Variants in LTBP4 observed in about 807,000 individuals in gnomAD.
LTBP4 encodes latent transforming growth factor beta binding protein 4.
LTBP4 carries 93 observed loss-of-function variants against 180.2 expected under a neutral mutation model. The observed-to-expected ratio is 0.52, with a 90% confidence interval of 0.44 to 0.61. The LOEUF (loss-of-function observed/expected upper bound fraction) is 0.61. Among genes scored for constraint, LTBP4 ranks in the 20% least tolerant of loss-of-function variants. The pLI is 0.00. For synonymous variants in LTBP4, 947 were observed against 934.5 expected (o/e 1.01, Z -0.24); for missense variants, 2,116 against 2,256.5 (o/e 0.94, Z 1.26).
chr19:40,611,352 C>T lies in LTBP4; in HGVS notation c.2011C>T (p.Pro671Ser). The T allele has an allele frequency of 1.9e-6, 3 of 1,609,668 alleles. No individual in the cohort carries two copies. In the South Asian group the frequency reaches 3.3e-5, roughly 18 times the overall value. Residue 671 changes from proline (P) to serine (S), a missense_variant, in exon 13 of 30, where the codon CCT becomes TCT. Physicochemically the swap from Pro to Ser is moderately conservative, Grantham distance 74. This residue lies in a region of LTBP4 where 877 missense variants were observed against 873.6 expected (regional missense o/e 1.00). Coordinates refer to ENST00000396819, the MANE Select transcript of LTBP4 (RefSeq NM_001042545.2). This position sits in a 1 kb window ranked among gnomAD's most constrained non-coding sequence, Gnocchi z 4.4. ...GGCAGGCTCCTTTCACTGTGCCTGC[C>T]CTGCTGGCTTCCGCTCCCGAGGGCC... is the stretch of plus-strand genomic sequence containing the variant. ...NTAGSFHCAC[P>S]AGFRSRGPGA...
rs1568414612 is a variant in LTBP4, at chr19:40,625,307, TATATA to T, written c.3833-549_3833-545del. On this transcript the variant is annotated intron_variant, in intron 26 of 29. Coordinates refer to ENST00000396819, the MANE Select transcript of LTBP4 (RefSeq NM_001042545.2). Reference sequence around the variant, plus strand: ...ATATATATATATATATATATATATATATATATATATTTTTTTTTTTAAAGATGGGT... The same window carrying T: ...ATATATATATATATATATATATATATTATATTTTTTTTTTTAAAGATGGGT... Among the ~76,000 whole-genome samples the T allele has an allele frequency of 1.1e-3, 27 of 23,786 alleles. 3 individuals carry two copies. Among genetic ancestry groups the T allele is most frequent in the East Asian group, 2.2e-3 (2 of 890 alleles). 15.6% of individuals were successfully genotyped at this position (23,786 alleles called of 152,430 possible).
At chr19:40,610,013 T>G in intron 11 of LTBP4, 142 bp downstream of exon 11, 4 of 1,157,458 alleles carry the variant, frequency 3.5e-6, no homozygotes, top group Non-Finnish European at 4.7e-6. Context: ...GGCCCTGCCC[T>G]TCCCTGACCC....
intron 1 of LTBP4, among the ~76,000 whole-genome samples, chr19:40,594,866 G>A (rs1046521457): frequency 7.9e-5 from 12 of 152,140 alleles, no homozygotes; most frequent in East Asian, 7.8e-4. Flanking sequence ...CACAGTGAGC[G>A]GGGGTGAAGG....
Position 40,601,440 on chromosome 19 carries a change from A to C in LTBP4, c.53A>C (p.Gln18Pro), listed in dbSNP as rs2081423169. ...GTGTCGCTATTGGTGCTGCTGGCGC[A>C]GCTAGGGCCGCAGCCTGGACTGGGC... Reference protein sequence around the residue: ...LWVSLLVLLAQLGPQPGLGRL... With the variant: ...LWVSLLVLLAPLGPQPGLGRL... The change falls in exon 1 of 30, where the codon CAG becomes CCG. Residue 18 changes from glutamine (Q) to proline (P), a missense_variant. Coordinates refer to ENST00000396819, the MANE Select transcript of LTBP4 (RefSeq NM_001042545.2). The C allele has an allele frequency of 3.4e-6, 5 of 1,466,436 alleles. No homozygotes were observed. Among genetic ancestry groups the C allele is most frequent in the East Asian group, 5.9e-5 (2 of 33,640 alleles). 90.8% of individuals were successfully genotyped at this position (1,466,436 alleles called of 1,614,324 possible).
intron 11 of LTBP4, chr19:40,610,076 A>C: frequency 1.1e-5 from 7 of 633,844 alleles, no homozygotes; most frequent in South Asian, 8.7e-5. Flanking sequence ...CAGCTCCCAA[A>C]CTGCCAGTTT....
chr19:40,611,790 G>T lies in LTBP4; in HGVS notation c.2054-69G>T, dbSNP rs1014489733. ...GCAGGCTCAAGACTGGAATGCTGGG[G>T]TGGGTGGTGATGGCCATGGGAATGG... is the stretch of plus-strand genomic sequence containing the variant. On this transcript the variant is annotated intron_variant, in intron 13 of 29. Transcript: ENST00000396819. The surrounding 1 kb of genome is among the most constrained non-coding windows in gnomAD (Gnocchi z 4.4). The T allele has an allele frequency of 1.4e-5, 21 of 1,541,562 alleles. No homozygotes were observed. In the African/African-American group the frequency reaches 2.9e-4, roughly 21 times the overall value.
At position 40,623,048 on chromosome 19, in the gene LTBP4, C is replaced by T. The variant is rs1020291859; in HGVS notation, c.3556+27C>T. 7 of 1,566,604 alleles carry T rather than the reference C, an allele frequency of 4.5e-6. No homozygotes were observed. In the African/African-American group the frequency reaches 8.1e-5, roughly 18 times the overall value. On this transcript the variant is annotated intron_variant, in intron 24 of 29. Coordinates refer to ENST00000396819, the MANE Select transcript of LTBP4 (RefSeq NM_001042545.2). ...TGAGGCCAGCCTTTGACCCTCCACC[C>T]CACTCAGCTCTGAGGCCCAGCTTCG...
intron 1 of LTBP4, among the ~76,000 whole-genome samples, chr19:40,593,541 G>A (rs1343496813): frequency 6.6e-6 from 1 of 151,600 alleles, no homozygotes; most frequent in East Asian, 1.9e-4. Context: ...ACCATGCCCA[G>A]CCTCACACTC....
chr19:40,625,248 GTATTTATATATATATA>G lies in LTBP4; in HGVS notation c.3833-605_3833-590del, dbSNP rs2081615679. On this transcript the variant is annotated intron_variant, in intron 26 of 29. Coordinates refer to ENST00000396819, the MANE Select transcript of LTBP4 (RefSeq NM_001042545.2). The stretch of plus-strand genomic sequence containing the variant: ...CCGCCACCAAGCCTGGCTAATTTTT[GTATTTATATATATATA>G]TATATATATATATATATATATATAT... Among the ~76,000 whole-genome samples the G allele has an allele frequency of 1.1e-3, 62 of 58,728 alleles. 5 individuals carry two copies. Among genetic ancestry groups the G allele is most frequent in the Middle Eastern group, 8.3e-3 (1 of 120 alleles). 38.5% of individuals were successfully genotyped at this position (58,728 alleles called of 152,430 possible). A position where few individuals can be genotyped will look rare whatever the true frequency, so the allele number is the denominator to read the frequency against.
In LTBP4 at chr19:40,605,832, G is replaced by T; in HGVS notation, c.793+1G>T. On this transcript the variant is annotated splice_donor_variant, in intron 4 of 29. Coordinates refer to ENST00000396819, the MANE Select transcript of LTBP4 (RefSeq NM_001042545.2). LOFTEE classifies it high-confidence loss of function. The surrounding 1 kb of genome is among the most constrained non-coding windows in gnomAD (Gnocchi z 5.5). Reference sequence around the variant, plus strand: ...TGTCAGCTGTGCTCCGAGCGCCTGGGTAAGCCCCAGGACGTCCCCGAAGTG... The same window carrying T: ...TGTCAGCTGTGCTCCGAGCGCCTGGTTAAGCCCCAGGACGTCCCCGAAGTG... The T allele has an allele frequency of 6.5e-7, 1 of 1,537,174 alleles. No individual in the cohort carries two copies.
chr19:40,611,183 G>C lies in LTBP4; in HGVS notation c.1842G>C (p.Leu614=), dbSNP rs370396885. Residue 614 remains leucine, a synonymous_variant, in exon 13 of 30, where the codon CTG becomes CTC. Transcript: ENST00000396819. This position sits in a 1 kb window ranked among gnomAD's most constrained non-coding sequence, Gnocchi z 4.4. ...DVDECTQSPG[L]CGRGACKNLP... The stretch of plus-strand genomic sequence containing the variant: ...ATGAATGCACCCAGAGCCCAGGCCT[G>C]TGTGGCCGAGGGGCCTGCAAGAACC... The C allele has an allele frequency of 1.6e-5, 26 of 1,613,472 alleles. No individual in the cohort carries two copies. The highest frequency in any genetic ancestry group is 2.1e-5 in the Non-Finnish European group (25 of 1,179,804).
rs2081521098 is a variant in LTBP4, at chr19:40,613,271, G to A, written c.2431+75G>A. Reference sequence around the variant, plus strand: ...CCAGGGCAAAGCCGGCTGGAAAGGTGGAGGCGGGACCAAGGCGCTGTGGGA... The same window carrying A: ...CCAGGGCAAAGCCGGCTGGAAAGGTAGAGGCGGGACCAAGGCGCTGTGGGA... On this transcript the variant is annotated intron_variant, in intron 16 of 29. Coordinates refer to ENST00000396819, the MANE Select transcript of LTBP4 (RefSeq NM_001042545.2). This position sits in a 1 kb window ranked among gnomAD's most constrained non-coding sequence, Gnocchi z 5.0. The A allele has an allele frequency of 1.3e-6, 2 of 1,542,764 alleles. No homozygotes were observed. Among genetic ancestry groups the A allele is most frequent in the Admixed American group, 2.0e-5 (1 of 50,704 alleles).
upstream of LTBP4, among the ~76,000 whole-genome samples, chr19:40,596,523 GTT>G (rs10560702): frequency 0.15 from 23,504 of 152,048 alleles, 2,364 homozygotes; most frequent in African/African-American, 0.28. Context: ...TGGGAGCAGA[GTT>G]TGTGGATCAG....
At chr19:40,607,280 A>AC in intron 6 of LTBP4, 85 bp from the exon 7 acceptor site, 1 of 129,840 alleles carries the variant, frequency 7.7e-6, no homozygotes, top group Non-Finnish European at 1.3e-5. Flanking sequence ...CCCCAACCCC[A>AC]GAACCATTCC....
intron 1 of LTBP4, among the ~76,000 whole-genome samples, chr19:40,603,997 G>A (rs2081441420): frequency 6.6e-6 from 1 of 152,272 alleles, no homozygotes; most frequent in African/African-American, 2.4e-5. Context: ...GTTCCCGCTC[G>A]TGGCTCCGCC....
Position 40,620,064 on chromosome 19 carries a change from G to A in LTBP4, c.3217+571G>A, listed in dbSNP as rs117516861. Among the ~76,000 whole-genome samples the A allele has an allele frequency of 2.0e-3, 298 of 152,228 alleles. 1 individual carries two copies. Among genetic ancestry groups the A allele is most frequent in the Non-Finnish European group, 3.4e-3 (230 of 68,002 alleles). On this transcript the variant is annotated intron_variant, in intron 22 of 29. Transcript: ENST00000396819. ...GGCCTGGCAAAGCCAGAGAGCATCT[G>A]GCATGTGAGAAGAACTGAAACAGGT...
intron 7 of LTBP4, 141 bp from the exon 8 acceptor site, chr19:40,608,079 C>A: frequency 1.2e-6 from 1 of 853,046 alleles, no homozygotes; most frequent in Non-Finnish European, 1.9e-6. Flanking sequence ...TTGGCCAGGA[C>A]ACCACCCCAT....
In LTBP4 at chr19:40,610,491, G is replaced by T. The variant is rs1318544; in HGVS notation, c.1685-41G>T. The T allele has an allele frequency of 1.3e-6, 2 of 1,559,470 alleles. No homozygotes were observed. ...GCCTCCTTGCGTCGCTTCTCCCGGGGCTGTCTGCCCCAGTCCCAGCCGCCT... is the reference window on the plus strand; with the variant it reads ...GCCTCCTTGCGTCGCTTCTCCCGGGTCTGTCTGCCCCAGTCCCAGCCGCCT... On this transcript the variant is annotated intron_variant, in intron 11 of 29. Transcript: ENST00000396819.
upstream of LTBP4, chr19:40,599,988 AT>A: frequency 1.4e-6 from 1 of 717,092 alleles, no homozygotes; most frequent in Non-Finnish European, 2.0e-6. Context: ...ACTGAAAGAC[AT>A]TTTCCTGGCA....
Sources: allele counts gnomAD v4.1 joint callset (sites outside exome capture counted in the v4.1 genomes callset), GRCh38; gene constraint gnomAD v4.1.1; regional missense constraint gnomAD v4.1.1; non-coding constraint Gnocchi (gnomAD v3.1); transcripts MANE v1.5; gene names NCBI Gene and HGNC (gene_info 2026-07-23, HGNC 2026-07-21).